The following PLD5 variants were observed in gnomAD, a reference collection of about 807,000 sequenced individuals.
PLD5 encodes the protein phospholipase D family member 5.
In PLD5, 36 loss-of-function variants were observed where a neutral mutation model predicts 61.1. That is an observed-to-expected ratio of 0.59 (90% confidence interval 0.45 to 0.78). The LOEUF is 0.78. Ranked by LOEUF, PLD5 falls within the 30% of genes least tolerant of loss-of-function variation. The pLI is 0.00. For missense variants in PLD5, 515 were observed against 644.4 expected, an observed-to-expected ratio of 0.80 and a Z score of 2.17; for synonymous variants, 243 against 242.8, an observed-to-expected ratio of 1.00 and a Z score of -0.01.
At chr1:242,426,448 TG>T (rs748036798) in intron 1 of PLD5, among the ~76,000 whole-genome samples, 38 of 152,192 alleles carry the variant, frequency 2.5e-4, no homozygotes, top group Non-Finnish European at 4.6e-4. Context: ...TGTCAGGGCA[TG>T]GGCCATGCTT....
chr1:242,438,290 GTC>G (rs1359893146), intron 1 of PLD5, among the ~76,000 whole-genome samples: 1 of 149,794 alleles, frequency 6.7e-6, no homozygotes, highest in Non-Finnish European at 1.5e-5. Context: ...TTGAGATGGA[GTC>G]TCTCTCTGTT....
At chr1:242,218,937 A>C (rs546351677) in intron 5 of PLD5, among the ~76,000 whole-genome samples, 61 of 152,350 alleles carry the variant, frequency 4.0e-4, no homozygotes, top group Non-Finnish European at 7.8e-4. Flanking sequence ...AGCATAGAGA[A>C]AGCCTCAATT....
chr1:242,337,467 C>T (rs867001288), intron 2 of PLD5, among the ~76,000 whole-genome samples: 1 of 151,942 alleles, frequency 6.6e-6, no homozygotes, highest in Non-Finnish European at 1.5e-5. Context: ...CCCGTCTCTA[C>T]TAAAAATACA....
At chr1:242,091,867 G>T (rs928019468) in intron 9 of PLD5, among the ~76,000 whole-genome samples, 1 of 138,262 alleles carries the variant, frequency 7.2e-6, no homozygotes, top group Non-Finnish European at 1.5e-5. Context: ...TTGCTCTGTC[G>T]CCCAGGCTGG....
At chr1:242,148,272 G>A (rs1250125307) in intron 5 of PLD5, among the ~76,000 whole-genome samples, 2 of 149,720 alleles carry the variant, frequency 1.3e-5, no homozygotes, top group East Asian at 1.9e-4. Context: ...AAATTAATCG[G>A]CTTTGCACCT....
chr1:242,498,846 G>C (rs1401482053), intron 1 of PLD5, among the ~76,000 whole-genome samples: 1 of 152,108 alleles, frequency 6.6e-6, no homozygotes, highest in East Asian at 1.9e-4. Context: ...GTAAATATTT[G>C]TCTAATAAAT....
At chr1:242,098,960 T>C (rs1249087891) in intron 9 of PLD5, among the ~76,000 whole-genome samples, 1 of 152,144 alleles carries the variant, frequency 6.6e-6, no homozygotes, top group Non-Finnish European at 1.5e-5. Flanking sequence ...GAGGTGTCAG[T>C]CTGCCCCTAC....
chr1:242,464,527 G>A (rs920684181), intron 1 of PLD5, among the ~76,000 whole-genome samples: 3 of 152,180 alleles, frequency 2.0e-5, no homozygotes, highest in South Asian at 2.1e-4. Flanking sequence ...ATAACAAAAG[G>A]TGGTGAGGAA....
chr1:242,146,076 C>T lies in PLD5; in HGVS notation c.736-21411G>A, dbSNP rs151083896. ...GTCAGAGATGGAAAGTGGGGAGTCC[C>T]AGAGGAATTCATCAATCAAGCTGAT... On this transcript the variant is annotated intron_variant, in intron 5 of 9. Coordinates refer to ENST00000536534, the MANE Select transcript of PLD5 (RefSeq NM_001372062.1). 9.9e-5 allele frequency among the ~76,000 whole-genome samples: 15 copies of T among 152,256 alleles called. No homozygotes were observed. The East Asian group carries it at 2.9e-3, about 29-fold the overall frequency.
intron 1 of PLD5, among the ~76,000 whole-genome samples, chr1:242,521,933 C>T (rs1461227400): frequency 6.6e-6 from 1 of 151,928 alleles, no homozygotes; most frequent in African/African-American, 2.4e-5. Context: ...GTGCATTCAA[C>T]ATGACGTATA....
intron 1 of PLD5, among the ~76,000 whole-genome samples, chr1:242,431,581 CTTCTT>C (rs1665722594): frequency 6.6e-6 from 1 of 152,194 alleles, no homozygotes; most frequent in Non-Finnish European, 1.5e-5. Context: ...ATTTACACAT[CTTCTT>C]TTAACTACTT....
At chr1:242,119,080 CT>C (rs565123576) in intron 6 of PLD5, among the ~76,000 whole-genome samples, 5 of 152,114 alleles carry the variant, frequency 3.3e-5, no homozygotes, top group Non-Finnish European at 5.9e-5. Flanking sequence ...TATTCCAGCT[CT>C]GTGGCAATCT....
rs1491297701 is a variant in PLD5, at chr1:242,165,451, GGA to G, written c.736-40788_736-40787del. On this transcript the variant is annotated intron_variant, in intron 5 of 9. Coordinates refer to ENST00000536534, the MANE Select transcript of PLD5 (RefSeq NM_001372062.1). ...AAATAGGTTGTGTGTGGCTTTAAAGGGAAAAAAAAAAAAAAACCTGCCAGCAA... is the reference window on the plus strand; with the variant it reads ...AAATAGGTTGTGTGTGGCTTTAAAGGAAAAAAAAAAAAAACCTGCCAGCAA... Among the ~76,000 whole-genome samples, 221 of 70,910 alleles carry G rather than the reference GGA, an allele frequency of 3.1e-3. 13 individuals carry two copies. The South Asian group carries it at 0.042, about 14-fold the overall frequency. 46.5% of individuals were successfully genotyped at this position (70,910 alleles called of 152,430 possible). A position where few individuals can be genotyped will look rare whatever the true frequency, so the allele number is the denominator to read the frequency against.
intron 9 of PLD5, 43 bp from the exon 10 acceptor site, chr1:242,090,153 C>T (rs767495847): frequency 1.2e-6 from 2 of 1,606,216 alleles, no homozygotes; most frequent in South Asian, 2.2e-5. Flanking sequence ...TTAGAGTCCA[C>T]TGGGAACATA....
intron 4 of PLD5, among the ~76,000 whole-genome samples, chr1:242,257,613 G>A (rs1673148021): frequency 6.6e-6 from 1 of 152,134 alleles, no homozygotes; most frequent in African/African-American, 2.4e-5. Flanking sequence ...AATTGCTAAG[G>A]AAGTAGATTT....
intron 1 of PLD5, among the ~76,000 whole-genome samples, chr1:242,435,892 C>T (rs12738733): frequency 0.26 from 40,079 of 152,058 alleles, 6,645 homozygotes; most frequent in African/African-American, 0.47. Context: ...TAGAACCTCA[C>T]AGAAACCAAC....
chr1:242,197,235 A>G (rs1412939555), intron 5 of PLD5, among the ~76,000 whole-genome samples: 3 of 151,808 alleles, frequency 2.0e-5, no homozygotes, highest in African/African-American at 7.3e-5. Context: ...ACTCACCCTC[A>G]CCCTGACCTA....
chr1:242,251,778 G>A (rs576370216), intron 4 of PLD5, among the ~76,000 whole-genome samples: 2 of 152,260 alleles, frequency 1.3e-5, no homozygotes, highest in African/African-American at 2.4e-5. Flanking sequence ...AAAGGTAAGA[G>A]AGAAAAAAAC....
At chr1:242,204,441 A>ATG in intron 5 of PLD5, among the ~76,000 whole-genome samples, 1 of 152,114 alleles carries the variant, frequency 6.6e-6, no homozygotes, top group Non-Finnish European at 1.5e-5. Flanking sequence ...GACAGTAACC[A>ATG]AGGCGTTGCT....
Sources: gnomAD v4.1 joint callset for allele counts (sites outside exome capture counted in the v4.1 genomes callset) on GRCh38, gnomAD v4.1.1 for gene constraint, MANE v1.5 for transcripts, NCBI Gene and HGNC (gene_info 2026-07-23, HGNC 2026-07-21) for gene names.